Variants in STX8 observed in about 807,000 individuals in gnomAD.
The protein encoded by STX8 is syntaxin 8.
A neutral mutation model predicts 37.5 loss-of-function variants in STX8; 23 were observed. The observed-to-expected ratio is 0.61, with a 90% CI of 0.44 to 0.87. STX8 has a LOEUF of 0.87. Ranked by LOEUF, STX8 falls within the 40% of genes least tolerant of loss-of-function variation. The pLI is 0.00. For missense variants in STX8, 313 were observed against 284.7 expected, an observed-to-expected ratio of 1.10 and a Z score of -0.71; for synonymous variants, 115 against 99.1, an observed-to-expected ratio of 1.16 and a Z score of -0.95.
chr17:9,395,479 G>C (rs1912368394), intron 6 of STX8, among the ~76,000 whole-genome samples: 1 of 152,102 alleles, frequency 6.6e-6, no homozygotes, highest in Admixed American at 6.6e-5. Context: ...TTGGGAGCCT[G>C]AGGCAAGAGA....
At chr17:9,335,203 G>A (rs536657863) in intron 7 of STX8, among the ~76,000 whole-genome samples, 26 of 152,180 alleles carry the variant, frequency 1.7e-4, no homozygotes, top group Non-Finnish European at 2.8e-4. Context: ...CACAGCAGCA[G>A]GGGTTACCTG....
At chr17:9,452,001 T>G (rs1905056623) in intron 6 of STX8, among the ~76,000 whole-genome samples, 1 of 152,238 alleles carries the variant, frequency 6.6e-6, no homozygotes, top group Non-Finnish European at 1.5e-5. Context: ...CAATCTCTCT[T>G]AATATAAAGT....
chr17:9,430,787 C>A (rs1913933770), intron 6 of STX8, among the ~76,000 whole-genome samples: 1 of 151,882 alleles, frequency 6.6e-6, no homozygotes, highest in African/African-American at 2.4e-5. Context: ...GTAGCTGGGA[C>A]TACAGGCGAC....
At chr17:9,524,889 C>T (rs1051258918) in intron 4 of STX8, among the ~76,000 whole-genome samples, 1 of 151,050 alleles carries the variant, frequency 6.6e-6, no homozygotes, top group Non-Finnish European at 1.5e-5. Context: ...CTTACTGCAA[C>T]CTCGGCCTCC....
intron 7 of STX8, among the ~76,000 whole-genome samples, chr17:9,304,463 C>T (rs997712707): frequency 7.3e-6 from 1 of 137,706 alleles, no homozygotes; most frequent in Admixed American, 8.2e-5. Flanking sequence ...GAACCAAGAT[C>T]GTGCCATTGC....
chr17:9,557,786 A>G (rs1907038849), intron 2 of STX8, among the ~76,000 whole-genome samples: 1 of 152,144 alleles, frequency 6.6e-6, no homozygotes, highest in African/African-American at 2.4e-5. Flanking sequence ...CCCGATACTG[A>G]CTAGAAACTG....
chr17:9,494,951 G>A (rs551368311), intron 5 of STX8, among the ~76,000 whole-genome samples: 5 of 152,028 alleles, frequency 3.3e-5, no homozygotes, highest in African/African-American at 7.3e-5. Context: ...TGTACCCCTC[G>A]CAGCTTCATT....
At chr17:9,278,906 AC>A (rs150304912) in intron 7 of STX8, among the ~76,000 whole-genome samples, 2,362 of 152,158 alleles carry the variant, frequency 0.016, 70 homozygotes, top group African/African-American at 0.053. Context: ...TCTGATGAGG[AC>A]AGCAGCAGAG....
chr17:9,430,649 C>CTTTTTTTTTTTT (rs34803730), intron 6 of STX8, among the ~76,000 whole-genome samples: 1 of 120,904 alleles, frequency 8.3e-6, no homozygotes, highest in Non-Finnish European at 1.8e-5. Flanking sequence ...GTGGTTTTGG[C>CTTTTTTTTTTTT]TTTTTTTTTT....
At chr17:9,313,357 A>T (rs796607307) in intron 7 of STX8, among the ~76,000 whole-genome samples, 6 of 152,292 alleles carry the variant, frequency 3.9e-5, no homozygotes, top group African/African-American at 1.4e-4. Flanking sequence ...TTTTTAAAAA[A>T]GGGAATTAGG....
chr17:9,378,834 T>C (rs1597634573), intron 6 of STX8, among the ~76,000 whole-genome samples, 181 bp from the exon 7 acceptor site: 3 of 150,130 alleles, frequency 2.0e-5, no homozygotes, highest in African/African-American at 7.3e-5. Context: ...AAAAAAGCAG[T>C]AGTAAAGAAG....
intron 3 of STX8, among the ~76,000 whole-genome samples, chr17:9,549,879 T>A (rs192878094): frequency 6.6e-6 from 1 of 151,930 alleles, no homozygotes; most frequent in South Asian, 2.1e-4. Flanking sequence ...TTGGGTAAAG[T>A]AGGGTAGTGG....
At chr17:9,529,035 G>C (rs1425115424) in intron 4 of STX8, among the ~76,000 whole-genome samples, 1 of 152,162 alleles carries the variant, frequency 6.6e-6, no homozygotes, top group Non-Finnish European at 1.5e-5. Context: ...GGGACATGGA[G>C]GGAAGAGGGA....
intron 7 of STX8, among the ~76,000 whole-genome samples, chr17:9,355,282 A>ATCCTCTAATT (rs1266688311): frequency 6.8e-6 from 1 of 146,292 alleles, no homozygotes; most frequent in Non-Finnish European, 1.5e-5. Context: ...TCTTGGATGG[A>ATCCTCTAATT]TCCTCTAATT....
At chr17:9,376,561 G>T (rs547270588) in intron 7 of STX8, among the ~76,000 whole-genome samples, 17 of 152,164 alleles carry the variant, frequency 1.1e-4, no homozygotes. Context: ...ACCCTGACCC[G>T]CTCGGGTCCC....
chr17:9,539,459 T>C (rs1024734263), intron 4 of STX8, among the ~76,000 whole-genome samples: 3 of 152,204 alleles, frequency 2.0e-5, no homozygotes, highest in Non-Finnish European at 4.4e-5. Context: ...TAGGGAAATG[T>C]TGATTAGCAG....
intron 4 of STX8, among the ~76,000 whole-genome samples, chr17:9,519,072 A>G (rs569866525): frequency 6.6e-6 from 1 of 152,234 alleles, no homozygotes; most frequent in African/African-American, 2.4e-5. Context: ...ATAGTTAAAA[A>G]GAAACCCCAC....
At chr17:9,289,060 T>C (rs1430332601) in intron 7 of STX8, among the ~76,000 whole-genome samples, 1 of 152,124 alleles carries the variant, frequency 6.6e-6, no homozygotes, top group East Asian at 1.9e-4. Flanking sequence ...TACAACAAGG[T>C]TCTGGAATCA....
At chr17:9,396,416 G>A (rs61701242) in intron 6 of STX8, among the ~76,000 whole-genome samples, 1 of 152,134 alleles carries the variant, frequency 6.6e-6, no homozygotes, top group Non-Finnish European at 1.5e-5. Context: ...GGGCGCAGTG[G>A]CTCACGCCTG....
Sources: allele counts gnomAD v4.1 joint callset (sites outside exome capture counted in the v4.1 genomes callset), GRCh38; gene constraint gnomAD v4.1.1; transcripts MANE v1.5; gene names NCBI Gene and HGNC (gene_info 2026-07-23, HGNC 2026-07-21).